The following ADAMTS18 variants were observed in gnomAD, a reference collection of about 807,000 sequenced individuals.
The protein encoded by ADAMTS18 is ADAM metallopeptidase with thrombospondin type 1 motif 18, also known as A disintegrin and metalloproteinase with thrombospondin motifs 18.
Under a neutral mutation model 165.9 loss-of-function variants are expected in ADAMTS18, and 157 were observed. The ratio of observed to expected loss-of-function variants is 0.95; its 90% CI spans 0.83 to 1.08. The LOEUF is 1.08. Ranked by LOEUF, ADAMTS18 falls within the 50% of genes least tolerant of loss-of-function variation. ADAMTS18 has a pLI of 0.00. For missense variants in ADAMTS18, 2,040 were observed against 1,534.0 expected, an observed-to-expected ratio of 1.33 and a Z score of -5.51; for synonymous variants, 782 against 578.2, an observed-to-expected ratio of 1.35 and a Z score of -5.06.
intron 2 of ADAMTS18, 60 bp downstream of exon 2, chr16:77,434,358 G>T: frequency 6.6e-7 from 1 of 1,523,488 alleles, no homozygotes; most frequent in Non-Finnish European, 8.8e-7. Flanking sequence ...TCTCTTTGGG[G>T]GAAGGAAGGG....
intron 12 of ADAMTS18, among the ~76,000 whole-genome samples, chr16:77,331,390 T>C (rs940606704): frequency 1.3e-5 from 2 of 152,204 alleles, no homozygotes; most frequent in African/African-American, 4.8e-5. Flanking sequence ...ATGATGATTT[T>C]AACAACTCAA....
intron 3 of ADAMTS18, among the ~76,000 whole-genome samples, chr16:77,384,729 GA>G (rs1401594506): frequency 6.6e-6 from 1 of 152,080 alleles, no homozygotes; most frequent in Non-Finnish European, 1.5e-5. Context: ...TGTGAAATAT[GA>G]CAAAAATTTA....
chr16:77,313,123 G>A (rs1468478955), intron 16 of ADAMTS18, among the ~76,000 whole-genome samples: 1 of 147,430 alleles, frequency 6.8e-6, no homozygotes, highest in Non-Finnish European at 1.5e-5. Flanking sequence ...CATAAAAAAT[G>A]TTGAGTTCAT....
At chr16:77,345,956 C>G (rs1248021082) in intron 10 of ADAMTS18, among the ~76,000 whole-genome samples, 2 of 152,188 alleles carry the variant, frequency 1.3e-5, no homozygotes, top group African/African-American at 2.4e-5. Flanking sequence ...CTGTATCTCC[C>G]TGACACTGTA....
Position 77,363,781 on chromosome 16 carries a change from TA to T in ADAMTS18, c.1056+20del. On this transcript the variant is annotated intron_variant, in intron 6 of 22. Transcript: ENST00000282849. ...CTGAACGGCAGACTGAATGAAGACA[TA>T]AATGAAGTTTGCCACTTACAGGTTC... is the stretch of plus-strand genomic sequence containing the variant. 1 of 1,607,338 alleles carries T rather than the reference TA, an allele frequency of 6.2e-7. No homozygotes were observed. Among genetic ancestry groups the T allele is most frequent in the Non-Finnish European group, 8.5e-7 (1 of 1,173,980 alleles).
chr16:77,377,090 C>T (rs564221904), intron 3 of ADAMTS18, among the ~76,000 whole-genome samples: 77 of 152,308 alleles, frequency 5.1e-4, no homozygotes, highest in African/African-American at 1.8e-3. Context: ...TCTGGGATTA[C>T]AGGCATGAGC....
In ADAMTS18 at chr16:77,335,911, A is replaced by G. The variant is rs2056302983; in HGVS notation, c.1711-7T>C. The G allele has an allele frequency of 5.6e-6, 9 of 1,614,096 alleles. No individual in the cohort carries two copies. Among genetic ancestry groups the G allele is most frequent in the South Asian group, 4.4e-5 (4 of 91,094 alleles). On this transcript the variant is annotated splice_region_variant and splice_polypyrimidine_tract_variant and intron_variant, in intron 11 of 22. Coordinates refer to ENST00000282849, the MANE Select transcript of ADAMTS18 (RefSeq NM_199355.4). The stretch of plus-strand genomic sequence containing the variant: ...ACTGGCCTTGCCGACACCACTGTGA[A>G]AAGAACGTGTAAGATGGTTCCCGTC...
At chr16:77,286,540 TGAATGCTCAGAAAGTTCAAA>T (rs1452940460) in intron 22 of ADAMTS18, among the ~76,000 whole-genome samples, 1 of 151,132 alleles carries the variant, frequency 6.6e-6, no homozygotes, top group African/African-American at 2.5e-5. Context: ...CCCAGTTTTA[TGAATGCTCAGAAAGTTCAAA>T]ACTTGCTCAA....
chr16:77,411,835 C>A (rs903968255), intron 3 of ADAMTS18, among the ~76,000 whole-genome samples: 6 of 151,586 alleles, frequency 4.0e-5, no homozygotes, highest in African/African-American at 1.5e-4. Context: ...TATAGGTGCC[C>A]ACCACCAAGC....
intron 12 of ADAMTS18, 139 bp from the exon 13 acceptor site, chr16:77,326,177 A>C (rs932120155): frequency 2.4e-6 from 2 of 829,798 alleles, no homozygotes; most frequent in African/African-American, 3.4e-5. Flanking sequence ...ACAGGAATGG[A>C]AGTACATAGC....
At chr16:77,421,800 G>C (rs1429096368) in intron 3 of ADAMTS18, among the ~76,000 whole-genome samples, 1 of 152,024 alleles carries the variant, frequency 6.6e-6, no homozygotes, top group African/African-American at 2.4e-5. Context: ...ATGCAACTAA[G>C]AAGTGTCATA....
chr16:77,385,441 C>T (rs1178261016), intron 3 of ADAMTS18, among the ~76,000 whole-genome samples: 2 of 152,154 alleles, frequency 1.3e-5, no homozygotes, highest in Admixed American at 6.5e-5. Flanking sequence ...ACCACATTTG[C>T]AAGACAGGGA....
intron 3 of ADAMTS18, among the ~76,000 whole-genome samples, chr16:77,413,443 G>T (rs1254964300): frequency 6.6e-6 from 1 of 152,140 alleles, no homozygotes; most frequent in African/African-American, 2.4e-5. Flanking sequence ...CCACCAGCAA[G>T]GAAAATTTGT....
Position 77,399,440 on chromosome 16 carries a change from G to A in ADAMTS18, c.496-31717C>T, listed in dbSNP as rs1401504960. Among the ~76,000 whole-genome samples the A allele has an allele frequency of 3.3e-5, 5 of 152,240 alleles. No individual in the cohort carries two copies. The East Asian group carries it at 5.8e-4, about 18-fold the overall frequency. On this transcript the variant is annotated intron_variant, in intron 3 of 22. Coordinates refer to ENST00000282849, the MANE Select transcript of ADAMTS18 (RefSeq NM_199355.4). ...TGAAGCATTTATCTCTTAAAAGAAA[G>A]CCTCAGAGAAGCTAGAGGAGTTCTG...
In ADAMTS18 at chr16:77,431,387, T is replaced by C; in HGVS notation, c.403A>G (p.Thr135Ala). The change falls in exon 3 of 23, where the codon ACT (threonine) becomes GCT (alanine). Residue 135 changes from threonine (T) to alanine (A), a missense_variant. Thr to Ala is a moderately conservative substitution (Grantham distance 58, BLOSUM62 0). Coordinates refer to ENST00000282849, the MANE Select transcript of ADAMTS18 (RefSeq NM_199355.4). ...CATTGCTGCACCTCGGGTTTCTGAGTCTCTGAAGCACCATCTTTTCCAAGT... is the reference window on the plus strand; with the variant it reads ...CATTGCTGCACCTCGGGTTTCTGAGCCTCTGAAGCACCATCTTTTCCAAGT... ...QVLGKDGASE[T>A]QKPEVQQCFY... 5.6e-6 allele frequency: 9 copies of C among 1,614,080 alleles called. No homozygotes were observed. Among genetic ancestry groups the C allele is most frequent in the Non-Finnish European group, 7.6e-6 (9 of 1,180,032 alleles).
At chr16:77,301,066 G>T (rs150030131) in intron 16 of ADAMTS18, among the ~76,000 whole-genome samples, 2 of 152,254 alleles carry the variant, frequency 1.3e-5, no homozygotes, top group East Asian at 3.9e-4. Flanking sequence ...AACATGTTCA[G>T]AATCAGCAAT....
chr16:77,434,537 G>A (rs1051052299), intron 1 of ADAMTS18, 32 bp from the exon 2 acceptor site: 7 of 1,536,944 alleles, frequency 4.6e-6, no homozygotes, highest in African/African-American at 2.7e-5. Context: ...CGCGCGTGAG[G>A]GGCGCGGCGG....
chr16:77,307,558 C>G (rs78653513), intron 16 of ADAMTS18, among the ~76,000 whole-genome samples: 2,034 of 152,308 alleles, frequency 0.013, 45 homozygotes, highest in African/African-American at 0.047. Flanking sequence ...TAACCCGTCA[C>G]AAAAGTATTT....
At chr16:77,394,417 C>T (rs1383318131) in intron 3 of ADAMTS18, among the ~76,000 whole-genome samples, 2 of 151,794 alleles carry the variant, frequency 1.3e-5, no homozygotes, top group African/African-American at 2.4e-5. Flanking sequence ...ATTTGGGGGC[C>T]GGCATGAGGA....
Sources: allele counts gnomAD v4.1 joint callset (sites outside exome capture counted in the v4.1 genomes callset), GRCh38; gene constraint gnomAD v4.1.1; transcripts MANE v1.5; gene names NCBI Gene and HGNC (gene_info 2026-07-23, HGNC 2026-07-21).